CDK5RAP1: variants seen among roughly 807,000 people sequenced by gnomAD.
CDK5RAP1 encodes CDK5RAP1 mitochondrial tRNA methylthiotransferase, also known as mitochondrial tRNA methylthiotransferase CDK5RAP1.
In CDK5RAP1, 62 loss-of-function variants were observed where a neutral mutation model predicts 64.5. The ratio of observed to expected loss-of-function variants is 0.96; its 90% CI spans 0.78 to 1.19. The LOEUF (loss-of-function observed/expected upper bound fraction) is 1.19, where lower values mean the gene tolerates loss of function less well. Among genes scored for constraint, CDK5RAP1 ranks in the 50% most tolerant of loss-of-function variants. CDK5RAP1 has a pLI of 0.00. For synonymous variants in CDK5RAP1, 250 were observed against 261.9 expected (o/e 0.95, Z 0.44); for missense variants, 657 against 735.0 (o/e 0.89, Z 1.23).
In CDK5RAP1 at chr20:33,379,556, G is replaced by C; in HGVS notation, c.1012C>G (p.Leu338Val). 6.2e-7 allele frequency: 1 copy of C among 1,614,122 alleles called. No homozygotes were observed. Among genetic ancestry groups the C allele is most frequent in the African/African-American group, 1.3e-5 (1 of 75,042 alleles). ...TGATCCAGAAGATGAGCAAAACGAAGTCCTCCTTGCTTGGTTTTATAGTTG... is the reference window on the plus strand; with the variant it reads ...TGATCCAGAAGATGAGCAAAACGAACTCCTCCTTGCTTGGTTTTATAGTTG... Reference protein sequence around the residue: ...TTNYKTKQGGLRFAHLLDQVS... With the variant: ...TTNYKTKQGGVRFAHLLDQVS... Residue 338 changes from leucine to valine, a missense_variant, in exon 8 of 14, where the codon CTT becomes GTT. Coordinates refer to ENST00000346416, the MANE Select transcript of CDK5RAP1 (RefSeq NM_016408.4).
At chr20:33,373,948 G>A (rs1448080680) in intron 9 of CDK5RAP1, 167 bp downstream of exon 9, 1 of 634,014 alleles carries the variant, frequency 1.6e-6, no homozygotes, top group African/African-American at 1.8e-5. Flanking sequence ...CTTATGAAGT[G>A]AGCAGAAGCA....
intron 10 of CDK5RAP1, among the ~76,000 whole-genome samples, chr20:33,371,634 C>T (rs1985032140): frequency 6.6e-6 from 1 of 151,938 alleles, no homozygotes; most frequent in South Asian, 2.1e-4. Flanking sequence ...CCAAAAAATA[C>T]AAAAATTAGC....
chr20:33,372,691 T>C lies in CDK5RAP1; in HGVS notation c.1212A>G (p.Ser404=), dbSNP rs746237385. 4 of 1,582,592 alleles carry C rather than the reference T, an allele frequency of 2.5e-6. No individual in the cohort carries two copies. The South Asian group carries it at 4.6e-5, about 18-fold the overall frequency. ...RVLEAMRRGY[S]REAYVELVHH... is the part of the protein sequence containing the mutation. Reference sequence around the variant, plus strand: ...GAACTAACTCCACATAAGCTTCTCTTGAATATCTGCAATAAAGAACAAAAG... The same window carrying C: ...GAACTAACTCCACATAAGCTTCTCTCGAATATCTGCAATAAAGAACAAAAG... The change falls in exon 10 of 14, where the codon TCA becomes TCG. Residue 404 remains serine, a synonymous_variant. Transcript: ENST00000346416.
rs1984834047 is a variant in CDK5RAP1 at position 33,370,590 on chromosome 20, C to T, written c.1301G>A (p.Gly434Asp). Residue 434 changes from glycine to aspartate, a missense_variant, in exon 11 of 14, where the codon GGT becomes GAT. Physicochemically the swap from Gly to Asp is moderately conservative, Grantham distance 94 (BLOSUM62 -1). Transcript: ENST00000346416. Reference sequence around the variant, plus strand: ...CTGGACGTGATCTTCCTCCGTCTCACCACAAAAGCCAGCAATGAAATCGCT... The same window carrying T: ...CTGGACGTGATCTTCCTCCGTCTCATCACAAAAGCCAGCAATGAAATCGCT... ...LSSDFIAGFC[G>D]ETEEDHVQTV... 6.2e-7 allele frequency: 1 copy of T among 1,614,202 alleles called. No homozygotes were observed. Among genetic ancestry groups the T allele is most frequent in the African/African-American group, 1.3e-5 (1 of 75,046 alleles).
At position 33,377,160 on chromosome 20, in the gene CDK5RAP1, AC is replaced by A. The variant is rs1210097925; in HGVS notation, c.1107+2300del. Reference sequence around the variant, plus strand: ...AGACCAGCCTGGGCAATACGGCAAGACCCCACCTCTAATTTTTTTAAAAGGA... The same window carrying A: ...AGACCAGCCTGGGCAATACGGCAAGACCCACCTCTAATTTTTTTAAAAGGA... On this transcript the variant is annotated intron_variant, in intron 8 of 13. Transcript: ENST00000346416. 3.0e-4 allele frequency among the ~76,000 whole-genome samples: 46 copies of A among 152,196 alleles called. No homozygotes were observed. The South Asian group carries it at 3.9e-3, about 13-fold the overall frequency.
intron 12 of CDK5RAP1, among the ~76,000 whole-genome samples, chr20:33,364,497 T>C (rs775426083): frequency 2.6e-5 from 4 of 152,088 alleles, no homozygotes; most frequent in African/African-American, 4.8e-5. Context: ...CGAAGAAGTA[T>C]CTTATACTTG....
At chr20:33,388,895 G>A (rs962741161) in intron 5 of CDK5RAP1, among the ~76,000 whole-genome samples, 59 of 152,118 alleles carry the variant, frequency 3.9e-4, no homozygotes, top group Non-Finnish European at 6.5e-4. Context: ...CTGAGGTGCC[G>A]GGATTGCAGA....
intron 11 of CDK5RAP1, among the ~76,000 whole-genome samples, chr20:33,367,755 T>C (rs1984261160): frequency 6.6e-6 from 1 of 152,226 alleles, no homozygotes; most frequent in East Asian, 1.9e-4. Context: ...AAAACACCTT[T>C]AAATCATCCA....
At chr20:33,379,397 G>T in intron 8 of CDK5RAP1, 64 bp downstream of exon 8, 1 of 1,185,920 alleles carries the variant, frequency 8.4e-7, no homozygotes, top group Non-Finnish European at 1.2e-6. Flanking sequence ...ATCCCTACTG[G>T]GTCCAGCCTT....
At chr20:33,359,528 G>C (rs1322820286) in intron 13 of CDK5RAP1, 1 of 178,994 alleles carries the variant, frequency 5.6e-6, no homozygotes, top group African/African-American at 2.4e-5. Flanking sequence ...AGAGCTAAAA[G>C]AATGTGACCC....
intron 7 of CDK5RAP1, among the ~76,000 whole-genome samples, chr20:33,379,967 CAAT>C (rs1986534127): frequency 2.0e-5 from 3 of 152,084 alleles, no homozygotes; most frequent in Non-Finnish European, 4.4e-5. Flanking sequence ...CAATAATCCA[CAAT>C]AATGGTTAAT....
intron 10 of CDK5RAP1, 41 bp downstream of exon 10, chr20:33,372,601 G>T: frequency 1.7e-6 from 2 of 1,151,982 alleles, no homozygotes; most frequent in South Asian, 3.5e-5. Context: ...CTGGTCACTG[G>T]TAGAGTAACA....
rs199710410 is a variant in CDK5RAP1 at position 33,385,781 on chromosome 20, A to C, written c.756-11T>G. 1.2e-5 allele frequency: 20 copies of C among 1,609,292 alleles called. No individual in the cohort carries two copies. The highest frequency in any genetic ancestry group is 8.5e-7 in the Non-Finnish European group (1 of 1,177,876). Reference sequence around the variant, plus strand: ...CCTCGCATGATTGACCTGGAGAAGAAAGTACCAGAACTTAGTAACAGTAGC... The same window carrying C: ...CCTCGCATGATTGACCTGGAGAAGACAGTACCAGAACTTAGTAACAGTAGC... On this transcript the variant is annotated splice_polypyrimidine_tract_variant and intron_variant, in intron 6 of 13. Transcript: ENST00000346416.
chr20:33,389,155 C>T (rs1174720656), intron 5 of CDK5RAP1, among the ~76,000 whole-genome samples: 3 of 151,956 alleles, frequency 2.0e-5, no homozygotes, highest in Admixed American at 2.0e-4. Flanking sequence ...CTCTTCCCGG[C>T]CGCCATCCCG....
At chr20:33,387,692 T>C (rs1987631336) in intron 5 of CDK5RAP1, among the ~76,000 whole-genome samples, 159 bp from the exon 6 acceptor site, 1 of 152,092 alleles carries the variant, frequency 6.6e-6, no homozygotes. Context: ...AACACTCCCA[T>C]CGCACTGGAG....
intron 1 of CDK5RAP1, among the ~76,000 whole-genome samples, chr20:33,397,962 A>G (rs557007889): frequency 1.4e-4 from 21 of 152,190 alleles, no homozygotes; most frequent in Non-Finnish European, 2.1e-4. Context: ...ACTGCACTAC[A>G]GTTTGGACAA....
intron 7 of CDK5RAP1, among the ~76,000 whole-genome samples, chr20:33,384,210 TTAAG>T (rs1174268575): frequency 2.6e-5 from 4 of 152,204 alleles, no homozygotes; most frequent in African/African-American, 9.6e-5. Context: ...AGCAAAATTA[TTAAG>T]TGACTAACAG....
chr20:33,372,324 T>C (rs572384175), intron 10 of CDK5RAP1, among the ~76,000 whole-genome samples: 52 of 150,454 alleles, frequency 3.5e-4, no homozygotes, highest in Non-Finnish European at 6.8e-4. Flanking sequence ...AGAACTAATT[T>C]AGACATAACT....
At chr20:33,363,742 T>G (rs1983361433) in intron 12 of CDK5RAP1, among the ~76,000 whole-genome samples, 1 of 151,736 alleles carries the variant, frequency 6.6e-6, no homozygotes, top group African/African-American at 2.4e-5. Context: ...TACAAAAAAT[T>G]TGAAACATTA....
Sources: allele counts gnomAD v4.1 joint callset (sites outside exome capture counted in the v4.1 genomes callset), GRCh38; gene constraint gnomAD v4.1.1; transcripts MANE v1.5; gene names NCBI Gene and HGNC (gene_info 2026-07-23, HGNC 2026-07-21).